DNPEP: variants seen among roughly 807,000 people sequenced by gnomAD.
The protein encoded by DNPEP is aspartyl aminopeptidase.
Under a neutral mutation model 59.1 loss-of-function variants are expected in DNPEP, and 46 were observed. The observed-to-expected ratio is 0.78, with a 90% CI of 0.61 to 0.99. The LOEUF (loss-of-function observed/expected upper bound fraction) is 0.99, where lower values mean the gene tolerates loss of function less well. Ranked by LOEUF, DNPEP falls within the 50% of genes least tolerant of loss-of-function variation. The pLI is 0.00. For missense variants in DNPEP, 617 were observed against 649.9 expected, an observed-to-expected ratio of 0.95 and a Z score of 0.55; for synonymous variants, 229 against 242.2, an observed-to-expected ratio of 0.95 and a Z score of 0.50.
chr2:219,378,774 C>G (rs1187386772), intron 13 of DNPEP, among the ~76,000 whole-genome samples: 1 of 152,190 alleles, frequency 6.6e-6, no homozygotes. Flanking sequence ...GCATGACTCA[C>G]TTGTTTGTGG....
intron 1 of DNPEP, among the ~76,000 whole-genome samples, chr2:219,396,594 AAAG>A (rs775192964): frequency 2.9e-4 from 44 of 151,996 alleles, no homozygotes; most frequent in Admixed American, 1.2e-3. Flanking sequence ...TCTCAAAAAA[AAAG>A]AAAAAAAAAG....
upstream of DNPEP, among the ~76,000 whole-genome samples, chr2:219,391,156 G>A (rs1267749827): frequency 6.6e-6 from 1 of 152,200 alleles, no homozygotes; most frequent in Non-Finnish European, 1.5e-5. Flanking sequence ...TGGTATGTAA[G>A]CCCTGGGTTT....
chr2:219,393,281 T>C (rs1289589750), upstream of DNPEP, among the ~76,000 whole-genome samples: 1 of 152,050 alleles, frequency 6.6e-6, no homozygotes, highest in Non-Finnish European at 1.5e-5. Flanking sequence ...AAGCTTACTT[T>C]TTTTTTTAGT....
rs762092049 is a variant in DNPEP at position 219,374,871 on chromosome 2, G to A, written c.1391C>T (p.Thr464Ile). ...EMACTTGVLQ[T>I]LTLFKGFFEL... ...GGGTGTTACCTTGAAGAGGGTGAGG[G>A]TCTGGAGGACTCCTGTGGTGCAGGC... The change falls in exon 14 of 15, where the codon ACC becomes ATC. Residue 464 changes from threonine to isoleucine, a missense_variant. By Grantham distance (89) the Thr-to-Ile change is moderately conservative. Coordinates refer to ENST00000273075, the MANE Select transcript of DNPEP (RefSeq NM_012100.4). 1 of 1,614,140 alleles carries A rather than the reference G, an allele frequency of 6.2e-7. No homozygotes were observed. Among genetic ancestry groups the A allele is most frequent in the Admixed American group, 1.7e-5 (1 of 60,020 alleles).
chr2:219,387,075 A>T lies in DNPEP; in HGVS notation c.125T>A (p.Phe42Tyr). The T allele has an allele frequency of 6.2e-7, 1 of 1,604,394 alleles. No homozygotes were observed. The highest frequency in any genetic ancestry group is 8.5e-7 in the Non-Finnish European group (1 of 1,174,880). Residue 42 changes from phenylalanine (F) to tyrosine (Y), a missense_variant, in exon 2 of 15, where the codon TTC becomes TAC. Transcript: ENST00000273075. ...LKFVNRSPSP[F>Y]HAVAECRNRL... ...TTGCCCTGGCCACCGCTTACCATGGAAAGGAGAGGGACTCCGGTTCACGAA... is the reference window on the plus strand; with the variant it reads ...TTGCCCTGGCCACCGCTTACCATGGTAAGGAGAGGGACTCCGGTTCACGAA...
intron 9 of DNPEP, among the ~76,000 whole-genome samples, chr2:219,383,824 G>C (rs1260264459): frequency 2.6e-5 from 4 of 152,146 alleles, no homozygotes; most frequent in Non-Finnish European, 4.4e-5. Context: ...CAGGATTACA[G>C]GGAAGGAAAG....
rs1953868946 is a variant in DNPEP at position 219,386,932 on chromosome 2, A to G, written c.179T>C (p.Leu60Pro). 1 of 1,612,158 alleles carries G rather than the reference A, an allele frequency of 6.2e-7. No homozygotes were observed. The highest frequency in any genetic ancestry group is 1.3e-5 in the African/African-American group (1 of 74,368). ...AATATTCCATTTCTCAGTCTCCTTG[A>G]GTTCACTGAAGCCAGCCTGGAGAAG... ...NRLLQAGFSELKETEKWNIKP... is the reference protein window; with the variant it reads ...NRLLQAGFSEPKETEKWNIKP... Residue 60 changes from leucine (L) to proline (P), a missense_variant, in exon 3 of 15, where the codon CTC (leucine) becomes CCC (proline). Leu to Pro is a moderately conservative substitution (Grantham distance 98). Coordinates refer to ENST00000273075, the MANE Select transcript of DNPEP (RefSeq NM_012100.4).
At position 219,373,074 on chromosome 2, in the gene DNPEP, CTTTTT is replaced by C. The variant is rs1043331196; in HGVS notation, c.*1213_*1217del. Among the ~76,000 whole-genome samples the C allele has an allele frequency of 7.0e-6, 1 of 142,512 alleles. No individual in the cohort carries two copies. The highest frequency in any genetic ancestry group is 2.6e-5 in the African/African-American group (1 of 39,196). 93.5% of individuals were successfully genotyped at this position (142,512 alleles called of 152,430 possible). Reference sequence around the variant, plus strand: ...AAGCAGGCTTTGACTTTTTCTTTTTCTTTTTTTTTTTTTGAGAGAGTTTCACCCTT... The same window carrying C: ...AAGCAGGCTTTGACTTTTTCTTTTTCTTTTTTTTGAGAGAGTTTCACCCTT... On this transcript the variant is annotated 3_prime_UTR_variant, in exon 15 of 15. Coordinates refer to ENST00000273075, the MANE Select transcript of DNPEP (RefSeq NM_012100.4).
At chr2:219,389,848 A>AAAT (rs1418783507), upstream of DNPEP, among the ~76,000 whole-genome samples, 5 of 150,774 alleles carry the variant, frequency 3.3e-5, no homozygotes, top group Non-Finnish European at 5.9e-5. Flanking sequence ...ATAAATAAAT[A>AAAT]AAATTATGTA....
At chr2:219,388,443 C>T (rs1953948248), upstream of DNPEP, 1 of 153,316 alleles carries the variant, frequency 6.5e-6, no homozygotes, top group Admixed American at 6.6e-5. Flanking sequence ...CGCCCCGCCC[C>T]TCGCTAGGCT....
chr2:219,386,515 A>G (rs758415110), intron 4 of DNPEP, 104 bp from the exon 5 acceptor site: 31 of 1,542,098 alleles, frequency 2.0e-5, no homozygotes, highest in Non-Finnish European at 2.7e-5. Flanking sequence ...GTGTCACATG[A>G]AAGGCTCAAG....
At chr2:219,374,367 T>C (rs770242164) in intron 14 of DNPEP, 25 bp from the exon 15 acceptor site, 5 of 1,609,312 alleles carry the variant, frequency 3.1e-6, no homozygotes, top group African/African-American at 2.7e-5. Context: ...AACATGGAGT[T>C]TGGAATTAGT....
intron 8 of DNPEP, 24 bp from the exon 9 acceptor site, chr2:219,384,467 C>A: frequency 1.3e-6 from 2 of 1,591,160 alleles, no homozygotes; most frequent in East Asian, 2.3e-5. Context: ...ACAGTCAGCC[C>A]GACCTTCAAC....
chr2:219,373,347 C>A lies in DNPEP; in HGVS notation c.*945G>T, dbSNP rs1953251814. Among the ~76,000 whole-genome samples the A allele has an allele frequency of 6.6e-6, 1 of 152,016 alleles. No homozygotes were observed. The highest frequency in any genetic ancestry group is 2.1e-4 in the South Asian group (1 of 4,810). On this transcript the variant is annotated 3_prime_UTR_variant, in exon 15 of 15. Transcript: ENST00000273075. Reference sequence around the variant, plus strand: ...CCTCCTAAAGTGCTGGGACTACAGGCATGACCCATCACGCCTGGCCTTTTT... The same window carrying A: ...CCTCCTAAAGTGCTGGGACTACAGGAATGACCCATCACGCCTGGCCTTTTT...
At chr2:219,399,743 G>A (rs1954155744) in intron 1 of DNPEP, 1 of 760,886 alleles carries the variant, frequency 1.3e-6, no homozygotes, top group Non-Finnish European at 2.2e-6. Flanking sequence ...TGAGAGCAGG[G>A]GACCCTATTT....
intron 1 of DNPEP, among the ~76,000 whole-genome samples, chr2:219,398,116 A>G (rs990532351): frequency 1.3e-5 from 2 of 152,236 alleles, no homozygotes; most frequent in African/African-American, 4.8e-5. Context: ...GGTGGAAGAT[A>G]GTCATAACCT....
At chr2:219,399,680 G>C (rs888771833) in intron 1 of DNPEP, among the ~76,000 whole-genome samples, 6 of 152,336 alleles carry the variant, frequency 3.9e-5, no homozygotes, top group African/African-American at 4.8e-5. Context: ...CCAAGATGAT[G>C]ATGAGTATTA....
chr2:219,381,425 G>T lies in DNPEP; in HGVS notation c.1149C>A (p.Ile383=). ...CATAGCGTTGCTTGCTGTTCACCTTGATCACGGGGCCCTGGGGAGAGTCAA... is the reference window on the plus strand; with the variant it reads ...CATAGCGTTGCTTGCTGTTCACCTTTATCACGGGGCCCTGGGGAGAGTCAA... ...HRPLFHKGPV[I]KVNSKQRYAS... The change falls in exon 13 of 15, where the codon ATC becomes ATA. Residue 383 remains isoleucine (I), a synonymous_variant. Coordinates refer to ENST00000273075, the MANE Select transcript of DNPEP (RefSeq NM_012100.4). The T allele has an allele frequency of 1.2e-6, 2 of 1,614,238 alleles. No individual in the cohort carries two copies. Among genetic ancestry groups the T allele is most frequent in the Non-Finnish European group, 1.7e-6 (2 of 1,180,038 alleles).
At chr2:219,386,153 C>G in intron 5 of DNPEP, 55 bp from the exon 6 acceptor site, 2 of 1,584,822 alleles carry the variant, frequency 1.3e-6, no homozygotes, top group Non-Finnish European at 8.6e-7. Context: ...AGTGGTCAGT[C>G]TTTACTTCAC....
Sources: allele counts gnomAD v4.1 joint callset (sites outside exome capture counted in the v4.1 genomes callset), GRCh38; gene constraint gnomAD v4.1.1; transcripts MANE v1.5; gene names NCBI Gene and HGNC (gene_info 2026-07-23, HGNC 2026-07-21).